Variants in SAMD4A observed in about 807,000 individuals in gnomAD.
The protein encoded by SAMD4A is protein Smaug homolog 1.
A neutral mutation model predicts 81.3 loss-of-function variants in SAMD4A; 33 were observed. The ratio of observed to expected loss-of-function variants is 0.41; its 90% CI spans 0.31 to 0.54. The LOEUF is 0.54. Among genes scored for constraint, SAMD4A ranks in the 20% least tolerant of loss-of-function variants. The pLI, the probability that SAMD4A is intolerant of heterozygous loss-of-function variation, is 0.37. For synonymous variants in SAMD4A, 389 were observed against 382.1 expected, an observed-to-expected ratio of 1.02 and a Z score of -0.21; for missense variants, 854 against 951.1, an observed-to-expected ratio of 0.90 and a Z score of 1.34.
At chr14:54,776,310 T>TAA (rs2038845888) in intron 10 of SAMD4A, 104 bp from the exon 11 acceptor site, 1 of 1,249,774 alleles carries the variant, frequency 8.0e-7, no homozygotes, top group African/African-American at 1.6e-5. Context: ...TTCTAGAAGT[T>TAA]AGAGTTCTCC....
intron 2 of SAMD4A, among the ~76,000 whole-genome samples, chr14:54,644,771 G>GC (rs1488637367): frequency 2.0e-5 from 3 of 152,174 alleles, no homozygotes; most frequent in Non-Finnish European, 2.9e-5. Flanking sequence ...CATGTGACAG[G>GC]CAACATGATA....
intron 2 of SAMD4A, among the ~76,000 whole-genome samples, chr14:54,667,654 C>T (rs1236481985): frequency 6.6e-6 from 1 of 152,192 alleles, no homozygotes; most frequent in Non-Finnish European, 1.5e-5. Context: ...CTTGTGGGGA[C>T]GGCTCTGTGG....
Position 54,791,791 on chromosome 14 carries a change from C to CA in SAMD4A, c.*2850dup. 6.6e-6 allele frequency: 1 copy of CA among 152,244 alleles called. No individual in the cohort carries two copies. The highest frequency in any genetic ancestry group is 1.5e-5 in the Non-Finnish European group (1 of 68,008). The allele number at this position is 152,244 out of a possible 1,614,324, so 9.4% of individuals were successfully genotyped here. On this transcript the variant is annotated 3_prime_UTR_variant, in exon 13 of 13. Transcript: ENST00000554335. ...AAAAGAATTTTATTTATAAAAGAAT[C>CA]AAACAGTTGCATGCATGAGGCTGTG...
chr14:54,744,687 G>A (rs1275118336), intron 4 of SAMD4A, among the ~76,000 whole-genome samples: 1 of 152,102 alleles, frequency 6.6e-6, no homozygotes, highest in Non-Finnish European at 1.5e-5. Context: ...TTCTCTCCTT[G>A]CACTTCCCCC....
At chr14:54,606,237 G>A (rs2034202614) in intron 2 of SAMD4A, among the ~76,000 whole-genome samples, 2 of 151,448 alleles carry the variant, frequency 1.3e-5, no homozygotes, top group South Asian at 4.1e-4. Context: ...GTGCACGTGT[G>A]CGCTCATTTC....
At chr14:54,700,438 A>G (rs534070783) in intron 2 of SAMD4A, among the ~76,000 whole-genome samples, 28 of 152,234 alleles carry the variant, frequency 1.8e-4, no homozygotes, top group Non-Finnish European at 3.8e-4. Flanking sequence ...ATTCTTTCCC[A>G]TAGTCTTGAG....
intron 4 of SAMD4A, among the ~76,000 whole-genome samples, chr14:54,742,610 T>C (rs2037872480): frequency 6.6e-6 from 1 of 151,624 alleles, no homozygotes; most frequent in South Asian, 2.1e-4. Flanking sequence ...TATGACTTTC[T>C]TGTTGTACTT....
At chr14:54,586,423 T>A (rs1167303189) in intron 2 of SAMD4A, among the ~76,000 whole-genome samples, 2 of 152,238 alleles carry the variant, frequency 1.3e-5, no homozygotes, top group African/African-American at 4.8e-5. Context: ...CAGAAGCTTT[T>A]TAGTTTAATT....
At chr14:54,680,653 T>C (rs180942973) in intron 2 of SAMD4A, among the ~76,000 whole-genome samples, 32 of 152,380 alleles carry the variant, frequency 2.1e-4, no homozygotes, top group Non-Finnish European at 1.2e-4. Flanking sequence ...CAGTTTATAA[T>C]GTTAAGGTTT....
chr14:54,713,823 G>A (rs1455476894), intron 3 of SAMD4A, among the ~76,000 whole-genome samples: 1 of 152,188 alleles, frequency 6.6e-6, no homozygotes, highest in Non-Finnish European at 1.5e-5. Flanking sequence ...TAAACAATGA[G>A]GCAGTCTTGA....
chr14:54,648,218 A>G (rs951161607), intron 2 of SAMD4A, among the ~76,000 whole-genome samples: 1 of 152,218 alleles, frequency 6.6e-6, no homozygotes, highest in Admixed American at 6.5e-5. Context: ...GAGGAAACTA[A>G]GGGCAGCTGG....
intron 2 of SAMD4A, among the ~76,000 whole-genome samples, chr14:54,662,702 C>T (rs564043294): frequency 6.6e-5 from 10 of 152,092 alleles, no homozygotes; most frequent in Non-Finnish European, 1.3e-4. Context: ...TCCTGAGCCA[C>T]TGCACCCAGC....
chr14:54,586,096 A>G (rs1269322911), intron 2 of SAMD4A, among the ~76,000 whole-genome samples: 1 of 151,762 alleles, frequency 6.6e-6, no homozygotes, highest in Non-Finnish European at 1.5e-5. Context: ...CCCCGCCAAT[A>G]TCTGTTTTTA....
At chr14:54,772,498 C>T in intron 9 of SAMD4A, among the ~76,000 whole-genome samples, 1 of 152,140 alleles carries the variant, frequency 6.6e-6, no homozygotes, top group East Asian at 1.9e-4. Flanking sequence ...ACTCCCCTCC[C>T]CTATACAGCT....
At chr14:54,609,394 T>A (rs1050472368) in intron 2 of SAMD4A, among the ~76,000 whole-genome samples, 2 of 152,238 alleles carry the variant, frequency 1.3e-5, no homozygotes, top group Admixed American at 1.3e-4. Context: ...GCTGACACTT[T>A]GATCTTAGTC....
At chr14:54,579,344 G>A (rs1594687932) in intron 2 of SAMD4A, among the ~76,000 whole-genome samples, 1 of 152,350 alleles carries the variant, frequency 6.6e-6, no homozygotes, top group East Asian at 1.9e-4. Flanking sequence ...CCATTTTCCA[G>A]ATGAGGAAAC....
chr14:54,740,068 G>A (rs959523446), intron 4 of SAMD4A, among the ~76,000 whole-genome samples: 7 of 152,202 alleles, frequency 4.6e-5, no homozygotes, highest in Admixed American at 3.3e-4. Context: ...TACTCTGGAG[G>A]CTGAAACTGG....
chr14:54,726,192 TG>T (rs2037411682), intron 3 of SAMD4A, among the ~76,000 whole-genome samples: 1 of 152,120 alleles, frequency 6.6e-6, no homozygotes, highest in African/African-American at 2.4e-5. Context: ...CACATTCAAA[TG>T]GGGCCTGAGG....
intron 2 of SAMD4A, chr14:54,687,539 G>T: frequency 1.4e-5 from 5 of 365,240 alleles, no homozygotes; most frequent in South Asian, 8.4e-5. Context: ...CCTAAATGGG[G>T]TATGTTACTA....
Sources: allele counts gnomAD v4.1 joint callset (sites outside exome capture counted in the v4.1 genomes callset), GRCh38; gene constraint gnomAD v4.1.1; transcripts MANE v1.5; gene names NCBI Gene and HGNC (gene_info 2026-07-23, HGNC 2026-07-21).